TMEM117: variants seen among roughly 807,000 people sequenced by gnomAD.
TMEM117 encodes transmembrane protein 117.
A neutral mutation model predicts 52.4 loss-of-function variants in TMEM117; 27 were observed. The ratio of observed to expected loss-of-function variants is 0.51; its 90% CI spans 0.38 to 0.71. The LOEUF is 0.71. Among genes scored for constraint, TMEM117 ranks in the 30% least tolerant of loss-of-function variants. The pLI is 0.00. For missense variants in TMEM117, 556 were observed against 630.5 expected, an observed-to-expected ratio of 0.88 and a Z score of 1.26; for synonymous variants, 215 against 206.3, an observed-to-expected ratio of 1.04 and a Z score of -0.36.
chr12:44,123,751 T>C (rs759178059), intron 3 of TMEM117, among the ~76,000 whole-genome samples: 1 of 152,182 alleles, frequency 6.6e-6, no homozygotes, highest in Non-Finnish European at 1.5e-5. Context: ...TTCTGTTACA[T>C]TGGTATATGT....
At chr12:44,327,583 G>A (rs748710932) in intron 6 of TMEM117, among the ~76,000 whole-genome samples, 12 of 152,146 alleles carry the variant, frequency 7.9e-5, no homozygotes, top group Non-Finnish European at 1.5e-4. Context: ...GTTAACCACC[G>A]AACATCTTGG....
At chr12:43,915,923 C>CG (rs979760017) in intron 2 of TMEM117, among the ~76,000 whole-genome samples, 43 of 152,062 alleles carry the variant, frequency 2.8e-4, no homozygotes, top group Middle Eastern at 3.4e-3. Flanking sequence ...CAGCACCCCC[C>CG]TCAACCTCAC....
rs528665358 is a variant in TMEM117 at position 43,917,133 on chromosome 12, C to T, written c.278-27077C>T. The stretch of plus-strand genomic sequence containing the variant: ...TATGGCTGGGCAGAGTGGCTCATGC[C>T]TATAATTCCAACACTTTTGGAGGCC... On this transcript the variant is annotated intron_variant, in intron 2 of 7. Coordinates refer to ENST00000266534, the MANE Select transcript of TMEM117 (RefSeq NM_032256.3). Among the ~76,000 whole-genome samples the T allele has an allele frequency of 8.8e-5, 9 of 102,708 alleles. No individual in the cohort carries two copies. In the East Asian group the frequency reaches 2.6e-3, roughly 30 times the overall value. 67.4% of individuals were successfully genotyped at this position (102,708 alleles called of 152,430 possible).
At chr12:43,952,258 C>T (rs1945236810) in intron 3 of TMEM117, among the ~76,000 whole-genome samples, 1 of 152,086 alleles carries the variant, frequency 6.6e-6, no homozygotes, top group Non-Finnish European at 1.5e-5. Context: ...AATATCTCTC[C>T]AGCAACAGCA....
At chr12:43,842,645 C>A (rs1943133642) in intron 1 of TMEM117, among the ~76,000 whole-genome samples, 1 of 151,960 alleles carries the variant, frequency 6.6e-6, no homozygotes, top group African/African-American at 2.4e-5. Flanking sequence ...TGATTTCAGT[C>A]ATGTATAAAG....
intron 5 of TMEM117, among the ~76,000 whole-genome samples, chr12:44,255,429 A>T (rs558325432): frequency 6.6e-6 from 1 of 152,314 alleles, no homozygotes; most frequent in East Asian, 1.9e-4. Flanking sequence ...AAAGTACCAG[A>T]TATTAACTAG....
intron 2 of TMEM117, among the ~76,000 whole-genome samples, chr12:43,855,493 A>G (rs565850473): frequency 6.6e-6 from 1 of 152,318 alleles, no homozygotes; most frequent in African/African-American, 2.4e-5. Context: ...TAATTTGATA[A>G]CTAAATATCT....
At chr12:44,366,569 T>C (rs1433424313) in intron 6 of TMEM117, among the ~76,000 whole-genome samples, 5 of 152,112 alleles carry the variant, frequency 3.3e-5, no homozygotes, top group African/African-American at 1.2e-4. Context: ...AATTTTTCTC[T>C]AGAGCTCAGA....
At chr12:44,329,834 C>T (rs1951244691) in intron 6 of TMEM117, among the ~76,000 whole-genome samples, 1 of 152,068 alleles carries the variant, frequency 6.6e-6, no homozygotes, top group Non-Finnish European at 1.5e-5. Flanking sequence ...TAGCAGGTGT[C>T]AGAATTTCCT....
intron 3 of TMEM117, among the ~76,000 whole-genome samples, chr12:44,056,329 A>T (rs1400475570): frequency 2.0e-5 from 3 of 152,164 alleles, no homozygotes; most frequent in Non-Finnish European, 4.4e-5. Flanking sequence ...GCATCAGAGG[A>T]TGAGGGACAT....
At chr12:44,296,301 C>T (rs376579803) in intron 5 of TMEM117, among the ~76,000 whole-genome samples, 2 of 152,280 alleles carry the variant, frequency 1.3e-5, no homozygotes, top group African/African-American at 4.8e-5. Context: ...CAGAACTGGT[C>T]CTGGACTATG....
intron 5 of TMEM117, among the ~76,000 whole-genome samples, chr12:44,271,456 C>T (rs1056646014): frequency 1.3e-5 from 2 of 151,976 alleles, no homozygotes; most frequent in Non-Finnish European, 2.9e-5. Context: ...CATCCATTTA[C>T]GGTCAATCAA....
At chr12:43,994,628 TTTTC>T (rs1945998081) in intron 3 of TMEM117, among the ~76,000 whole-genome samples, 1 of 152,162 alleles carries the variant, frequency 6.6e-6, no homozygotes, top group Non-Finnish European at 1.5e-5. Context: ...TCATATAGTT[TTTTC>T]TTTTTTATCT....
chr12:44,384,045 A>G (rs1413602609), intron 7 of TMEM117, among the ~76,000 whole-genome samples: 1 of 152,134 alleles, frequency 6.6e-6, no homozygotes, highest in Non-Finnish European at 1.5e-5. Flanking sequence ...TATAGACAAG[A>G]ACACAGGGGT....
intron 3 of TMEM117, among the ~76,000 whole-genome samples, chr12:44,070,765 C>T (rs1284827960): frequency 6.6e-6 from 1 of 152,162 alleles, no homozygotes; most frequent in Admixed American, 6.5e-5. Flanking sequence ...ATATGAATAC[C>T]TTGTATGAGG....
chr12:44,014,278 G>T lies in TMEM117; in HGVS notation c.410+69936G>T, dbSNP rs181615019. Among the ~76,000 whole-genome samples, 42 of 152,284 alleles carry T rather than the reference G, an allele frequency of 2.8e-4. 1 individual carries two copies. Among genetic ancestry groups the T allele is most frequent in the African/African-American group, 9.6e-4 (40 of 41,558 alleles). ...AATCATTTTATCTTTGTCACTGAGGGTGGTATGGACATGCTCCCTCAGCAG... is the reference window on the plus strand; with the variant it reads ...AATCATTTTATCTTTGTCACTGAGGTTGGTATGGACATGCTCCCTCAGCAG... On this transcript the variant is annotated intron_variant, in intron 3 of 7. Transcript: ENST00000266534.
chr12:44,025,888 G>T (rs892730737), intron 3 of TMEM117, among the ~76,000 whole-genome samples: 9 of 151,310 alleles, frequency 5.9e-5, no homozygotes, highest in Admixed American at 3.3e-4. Flanking sequence ...TATAATCAAA[G>T]AATTACCTAT....
chr12:43,831,096 T>G (rs561313050), upstream of TMEM117, among the ~76,000 whole-genome samples: 1 of 152,218 alleles, frequency 6.6e-6, no homozygotes, highest in Non-Finnish European at 1.5e-5. Flanking sequence ...ATCCTAGCAG[T>G]AGAGTCATTG....
chr12:44,052,825 A>C (rs1026831093), intron 3 of TMEM117, among the ~76,000 whole-genome samples: 2 of 152,162 alleles, frequency 1.3e-5, no homozygotes, highest in Non-Finnish European at 1.5e-5. Flanking sequence ...CTTCCGCTTT[A>C]GATTTCTCAG....
Sources: gnomAD v4.1 joint callset for allele counts (sites outside exome capture counted in the v4.1 genomes callset) on GRCh38, gnomAD v4.1.1 for gene constraint, MANE v1.5 for transcripts, NCBI Gene and HGNC (gene_info 2026-07-23, HGNC 2026-07-21) for gene names.